EDARADD: variants seen among roughly 807,000 people sequenced by gnomAD.
EDARADD encodes the protein EDAR associated via death domain.
A neutral mutation model predicts 25.6 loss-of-function variants in EDARADD; 20 were observed. That is an observed-to-expected ratio of 0.78 (90% confidence interval 0.55 to 1.14). The LOEUF (loss-of-function observed/expected upper bound fraction) is 1.14, where lower values mean the gene tolerates loss of function less well. Among genes scored for constraint, EDARADD ranks in the 50% most tolerant of loss-of-function variants. The pLI is 0.00. For synonymous variants in EDARADD, 86 were observed against 94.4 expected, an observed-to-expected ratio of 0.91 and a Z score of 0.52; for missense variants, 225 against 270.1, an observed-to-expected ratio of 0.83 and a Z score of 1.17.
In EDARADD at chr1:236,432,246, TTAAC is replaced by T. The variant is rs1658115575; in HGVS notation, c.219+4797_219+4800del. Among the ~76,000 whole-genome samples, 9 of 151,350 alleles carry T rather than the reference TTAAC, an allele frequency of 5.9e-5. No homozygotes were observed. The South Asian group carries it at 1.9e-3, about 32-fold the overall frequency. On this transcript the variant is annotated intron_variant, in intron 4 of 5. Transcript: ENST00000334232. ...CTGAACTCTACAAAAAATACAAAAA[TTAAC>T]CACACCTGTGGTCCCATGGTCCCAG... is the stretch of plus-strand genomic sequence containing the variant.
At chr1:236,366,741 C>CTCTTTTTTTTTTTTTTTTTTTTTTTT (rs146073425) in intron 3 of EDARADD, among the ~76,000 whole-genome samples, 1 of 144,206 alleles carries the variant, frequency 6.9e-6, no homozygotes, top group Non-Finnish European at 1.5e-5. Context: ...TCATCTCTCT[C>CTCTTTTTTTTTTTTTTTTTTTTTTTT]TTTTTTTTGT....
chr1:236,416,427 C>CT (rs1224235678), intron 3 of EDARADD, among the ~76,000 whole-genome samples: 1 of 152,138 alleles, frequency 6.6e-6, no homozygotes, highest in East Asian at 1.9e-4. Context: ...GGCTCAATAT[C>CT]TTTTTTTGTC....
chr1:236,390,980 CTCTGTCGCCAGGCTGGAGT>C (rs1178012798), upstream of EDARADD, among the ~76,000 whole-genome samples: 2 of 85,376 alleles, frequency 2.3e-5, no homozygotes, highest in Non-Finnish European at 2.9e-5. Context: ...TGGAGTCTCA[CTCTGTCGCCAGGCTGGAGT>C]ACAATGGTGT....
Position 236,381,043 on chromosome 1 carries a change from T to C in EDARADD, c.-5-28173T>C, listed in dbSNP as rs74150437. Among the ~76,000 whole-genome samples, 3,884 of 152,304 alleles carry C rather than the reference T, an allele frequency of 0.026. 263 individuals are homozygous for C. In the East Asian group the frequency reaches 0.3, roughly 12 times the overall value. On this transcript the variant is annotated intron_variant, in intron 3 of 7. Coordinates refer to the EDARADD transcript ENST00000439430. The stretch of plus-strand genomic sequence containing the variant: ...AACATGTCCGTTAGCCCCCAAAGTT[T>C]ACTCATCTGCCTTTGTAATCCATCC...
At chr1:236,372,907 T>C (rs1439530431) in intron 3 of EDARADD, among the ~76,000 whole-genome samples, 2 of 139,066 alleles carry the variant, frequency 1.4e-5, no homozygotes, top group East Asian at 4.3e-4. Flanking sequence ...GTGATGTCTC[T>C]TCTTACATTT....
At chr1:236,481,912 G>C (rs1476495199) in intron 5 of EDARADD, among the ~76,000 whole-genome samples, 1 of 151,886 alleles carries the variant, frequency 6.6e-6, no homozygotes, top group African/African-American at 2.4e-5. Flanking sequence ...AGGAGATCGA[G>C]ACCATCCTGG....
chr1:236,395,422 C>T lies in EDARADD; in HGVS notation c.61+917C>T, dbSNP rs988506754. The T allele has an allele frequency of 2.8e-6, 4 of 1,449,394 alleles. No individual in the cohort carries two copies. The highest frequency in any genetic ancestry group is 1.4e-5 in the South Asian group (1 of 71,300). 89.8% of individuals were successfully genotyped at this position (1,449,394 alleles called of 1,614,324 possible). A position where few individuals can be genotyped will look rare whatever the true frequency, so the allele number is the denominator to read the frequency against. On this transcript the variant is annotated intron_variant, in intron 1 of 5. Coordinates refer to ENST00000334232, the MANE Select transcript of EDARADD (RefSeq NM_145861.4). This position sits in a 1 kb window ranked among gnomAD's most constrained non-coding sequence, Gnocchi z 6.9. ...GCAGCGAAGGGGCTTTGCTAATTGCCAAAGCAGGAAGTGAGCTCGTGGAAG... is the reference window on the plus strand; with the variant it reads ...GCAGCGAAGGGGCTTTGCTAATTGCTAAAGCAGGAAGTGAGCTCGTGGAAG...
At chr1:236,381,541 T>G (rs2102996112) in intron 3 of EDARADD, among the ~76,000 whole-genome samples, 1 of 152,088 alleles carries the variant, frequency 6.6e-6, no homozygotes, top group South Asian at 2.1e-4. Flanking sequence ...CCTTCTAGGC[T>G]TTTGAACAAT....
intron 5 of EDARADD, among the ~76,000 whole-genome samples, chr1:236,476,124 A>AG: frequency 6.6e-6 from 1 of 152,054 alleles, no homozygotes; most frequent in Non-Finnish European, 1.5e-5. Context: ...CCTGGTAGGC[A>AG]GAGGTTGCAG....
upstream of EDARADD, among the ~76,000 whole-genome samples, chr1:236,390,017 A>G (rs1249654479): frequency 6.6e-6 from 1 of 152,132 alleles, no homozygotes; most frequent in African/African-American, 2.4e-5. Context: ...ACCCTGTCTC[A>G]AAAACAAGAA....
chr1:236,471,395 ATTCCAATGAGT>A (rs145350342), intron 5 of EDARADD, among the ~76,000 whole-genome samples: 14,534 of 151,750 alleles, frequency 0.096, 1,036 homozygotes, highest in African/African-American at 0.19. Flanking sequence ...CGCGCCCCAA[ATTCCAATGAGT>A]TATCAAAGCC....
intron 1 of EDARADD, among the ~76,000 whole-genome samples, chr1:236,394,872 T>C (rs916809326): frequency 1.3e-5 from 2 of 152,248 alleles, no homozygotes; most frequent in Admixed American, 1.3e-4. Context: ...AAGCCATCTT[T>C]TCTGAGAGAA....
At chr1:236,432,119 T>C (rs683031) in intron 4 of EDARADD, among the ~76,000 whole-genome samples, 85,847 of 151,998 alleles carry the variant, frequency 0.56, 24,527 homozygotes, top group Non-Finnish European at 0.59. Context: ...ACGACATGCA[T>C]AAGCATATGG....
chr1:236,398,759 C>A lies in EDARADD; in HGVS notation c.61+4254C>A, dbSNP rs763720232. Among the ~76,000 whole-genome samples the A allele has an allele frequency of 6.6e-6, 1 of 152,218 alleles. No homozygotes were observed. The highest frequency in any genetic ancestry group is 1.5e-5 in the Non-Finnish European group (1 of 68,042). ...ATTTCAGCTCATAGGTCACCGGGAT[C>A]CAGCCCGATGTTATACATGCTCAGC... is the stretch of plus-strand genomic sequence containing the variant. On this transcript the variant is annotated intron_variant, in intron 1 of 5. Transcript: ENST00000334232. This position sits in a 1 kb window ranked among gnomAD's most constrained non-coding sequence, Gnocchi z 4.1.
rs543623618 is a variant in EDARADD at position 236,378,105 on chromosome 1, C to T, written c.-6+27266C>T. On this transcript the variant is annotated intron_variant, in intron 3 of 7. Transcript: ENST00000439430. ...TTCACAAGTGTTTCTCAGTCCCACC[C>T]ACCCCCCTTTAGGTGGGATCTGATG... is the stretch of plus-strand genomic sequence containing the variant. 6.6e-5 allele frequency among the ~76,000 whole-genome samples: 10 copies of T among 152,280 alleles called. No individual in the cohort carries two copies. The East Asian group carries it at 1.9e-3, about 29-fold the overall frequency.
At chr1:236,433,318 G>A (rs1183527219) in intron 4 of EDARADD, among the ~76,000 whole-genome samples, 1 of 151,690 alleles carries the variant, frequency 6.6e-6, no homozygotes, top group South Asian at 2.1e-4. Flanking sequence ...GCACTTTGGG[G>A]GGGGCCGAGG....
intron 3 of EDARADD, among the ~76,000 whole-genome samples, chr1:236,365,227 A>G (rs143715889): frequency 6.6e-6 from 1 of 151,822 alleles, no homozygotes; most frequent in African/African-American, 2.4e-5. Flanking sequence ...GCAGTGGCAC[A>G]ATCAGGGCTC....
At chr1:236,401,541 G>A (rs1012448256) in intron 1 of EDARADD, among the ~76,000 whole-genome samples, 2 of 152,206 alleles carry the variant, frequency 1.3e-5, no homozygotes, top group African/African-American at 2.4e-5. Flanking sequence ...CATACAGTAC[G>A]TGTTTCCCAG....
chr1:236,422,062 G>T (rs993157506), intron 3 of EDARADD, among the ~76,000 whole-genome samples: 5 of 151,998 alleles, frequency 3.3e-5, no homozygotes, highest in African/African-American at 1.2e-4. Context: ...TGTGGCATTG[G>T]TGTAGGGAGT....
Sources: allele counts gnomAD v4.1 joint callset (sites outside exome capture counted in the v4.1 genomes callset), GRCh38; gene constraint gnomAD v4.1.1; non-coding constraint Gnocchi (gnomAD v3.1); transcripts MANE v1.5; gene names NCBI Gene and HGNC (gene_info 2026-07-23, HGNC 2026-07-21).